Variants in PALLD observed in about 807,000 individuals in gnomAD.
PALLD encodes palladin.
Under a neutral mutation model 123.5 loss-of-function variants are expected in PALLD, and 61 were observed. The observed-to-expected ratio is 0.49, with a 90% confidence interval of 0.40 to 0.61. PALLD has a LOEUF of 0.61. Among genes scored for constraint, PALLD ranks in the 20% least tolerant of loss-of-function variants. The probability of loss-of-function intolerance (pLI) is 0.00; values close to 1 mark genes in which losing one functional copy is unlikely to be tolerated. For missense variants in PALLD, 1,273 were observed against 1,377.0 expected (o/e 0.92, Z 1.20); for synonymous variants, 465 against 496.4 (o/e 0.94, Z 0.84).
rs552891793 is a variant in PALLD at position 168,733,960 on chromosome 4, C to T, written c.1964+22037C>T. 1.4e-3 allele frequency among the ~76,000 whole-genome samples: 208 copies of T among 152,338 alleles called. 1 individual carries two copies. Among genetic ancestry groups the T allele is most frequent in the African/African-American group, 4.8e-3 (201 of 41,576 alleles). ...CCATGTTAGCCAGGATGGTCTCGAT[C>T]TCCTGACCTCGTGATCTGCCCGCCT... On this transcript the variant is annotated intron_variant, in intron 10 of 21. Coordinates refer to ENST00000505667, the MANE Select transcript of PALLD (RefSeq NM_001166108.2).
chr4:168,679,242 GTGT>G (rs1781251254), intron 3 of PALLD, among the ~76,000 whole-genome samples: 1 of 116,816 alleles, frequency 8.6e-6, no homozygotes, highest in Non-Finnish European at 1.8e-5. Context: ...TGTGTGTGGG[GTGT>G]GTGTGTGGTG....
intron 2 of PALLD, among the ~76,000 whole-genome samples, chr4:168,547,566 CAAAAAAA>C (rs11339394): frequency 1.1e-4 from 8 of 70,930 alleles, no homozygotes; most frequent in African/African-American, 2.9e-4. Context: ...TAATAAAATA[CAAAAAAA>C]AAAAAAAAAA....
intron 10 of PALLD, among the ~76,000 whole-genome samples, chr4:168,841,144 C>T (rs757124399): frequency 9.2e-5 from 14 of 152,134 alleles, no homozygotes; most frequent in Admixed American, 2.6e-4. Context: ...CCTCTGCGCC[C>T]GGCCCACTAT....
At chr4:168,611,640 C>T (rs1261778026) in intron 2 of PALLD, among the ~76,000 whole-genome samples, 1 of 152,166 alleles carries the variant, frequency 6.6e-6, no homozygotes, top group Admixed American at 6.6e-5. Context: ...AAAAATTCTG[C>T]AGGCTACATT....
At chr4:168,530,947 C>G (rs1365706214) in intron 2 of PALLD, among the ~76,000 whole-genome samples, 3 of 152,244 alleles carry the variant, frequency 2.0e-5, no homozygotes, top group African/African-American at 7.2e-5. Flanking sequence ...TCCCCCTCCT[C>G]TGAAGTCTTG....
At chr4:168,699,460 A>G (rs1344446347) in intron 8 of PALLD, among the ~76,000 whole-genome samples, 2 of 151,136 alleles carry the variant, frequency 1.3e-5, no homozygotes, top group African/African-American at 4.9e-5. Context: ...GTTCTTTTTT[A>G]CCAACTGTGT....
rs750417197 is a variant in PALLD, at chr4:168,898,647, A to C, written c.2405A>C (p.His802Pro). ...MAPFFEMKLK[H>P]YKIFEGMPVT... ...CCATTCTTTGAGATGAAGCTGAAAC[A>C]TTACAAGATCTTTGAGGGAATGCCA... The change falls in exon 14 of 22, where the codon CAT becomes CCT. Residue 802 changes from histidine to proline, a missense_variant. By Grantham distance (77) the His-to-Pro change is moderately conservative (BLOSUM62 -2). This residue lies in a region of PALLD where 329 missense variants were observed against 422.5 expected (regional missense o/e 0.78). Coordinates refer to ENST00000505667, the MANE Select transcript of PALLD (RefSeq NM_001166108.2). 6.2e-7 allele frequency: 1 copy of C among 1,614,186 alleles called. No individual in the cohort carries two copies. The highest frequency in any genetic ancestry group is 8.5e-7 in the Non-Finnish European group (1 of 1,180,008).
chr4:168,823,329 C>T (rs909202230), intron 10 of PALLD, among the ~76,000 whole-genome samples: 1 of 152,120 alleles, frequency 6.6e-6, no homozygotes, highest in African/African-American at 2.4e-5. Flanking sequence ...ACTGCTAGGC[C>T]CATTTCTTCT....
chr4:168,821,435 G>C (rs899375757), intron 10 of PALLD, among the ~76,000 whole-genome samples: 3 of 151,492 alleles, frequency 2.0e-5, no homozygotes, highest in Non-Finnish European at 4.4e-5. Flanking sequence ...ATCCCCTTTG[G>C]TAAAATATCA....
intron 10 of PALLD, among the ~76,000 whole-genome samples, chr4:168,811,770 T>TCACACACA (rs1402735922): frequency 8.3e-4 from 85 of 101,906 alleles, no homozygotes; most frequent in African/African-American, 2.6e-3. Context: ...TCTCTCTCTC[T>TCACACACA]CTCTCTCACA....
chr4:168,916,553 A>G (rs1412122454), intron 17 of PALLD, among the ~76,000 whole-genome samples: 1 of 152,194 alleles, frequency 6.6e-6, no homozygotes, highest in African/African-American at 2.4e-5. Flanking sequence ...GAAAGTCATC[A>G]GGAGGTTTTA....
At chr4:168,563,295 G>A (rs1021683441) in intron 2 of PALLD, among the ~76,000 whole-genome samples, 12 of 152,196 alleles carry the variant, frequency 7.9e-5, no homozygotes, top group Admixed American at 3.9e-4. Flanking sequence ...AAAGGGATCA[G>A]AAGTGGCTTA....
At chr4:168,679,590 CCTTA>C (rs779887274) in intron 3 of PALLD, among the ~76,000 whole-genome samples, 1 of 143,738 alleles carries the variant, frequency 7.0e-6, no homozygotes, top group Non-Finnish European at 1.5e-5. Flanking sequence ...TGCGTATCCC[CCTTA>C]CTTATGGAGT....
At chr4:168,735,946 T>C (rs1409000921) in intron 10 of PALLD, among the ~76,000 whole-genome samples, 1 of 152,220 alleles carries the variant, frequency 6.6e-6, no homozygotes, top group Admixed American at 6.5e-5. Flanking sequence ...GCTGGGCACT[T>C]GACTAACATT....
chr4:168,791,583 G>A (rs1414753863), intron 10 of PALLD, among the ~76,000 whole-genome samples: 1 of 152,106 alleles, frequency 6.6e-6, no homozygotes, highest in African/African-American at 2.4e-5. Flanking sequence ...GGGGAAACGG[G>A]CCCCATGATT....
chr4:168,750,107 C>A (rs1347498095), intron 10 of PALLD, among the ~76,000 whole-genome samples: 1 of 151,834 alleles, frequency 6.6e-6, no homozygotes, highest in East Asian at 2.0e-4. Context: ...GCCACCACAC[C>A]CAGCTAATTT....
rs28704658 is a variant in PALLD, at chr4:168,879,610, C to T, written c.1965-11312C>T. ...ACCTTAAAGGCAAGCATTGCTATGT[C>T]GGGCCTCGACAAAGGTGTACCAGGC... On this transcript the variant is annotated intron_variant, in intron 10 of 21. Coordinates refer to ENST00000505667, the MANE Select transcript of PALLD (RefSeq NM_001166108.2). Among the ~76,000 whole-genome samples the T allele has an allele frequency of 2.1e-3, 317 of 152,308 alleles. 2 individuals are homozygous for T. The highest frequency in any genetic ancestry group is 7.0e-3 in the African/African-American group (291 of 41,566).
intron 10 of PALLD, among the ~76,000 whole-genome samples, chr4:168,847,705 GGTGT>G (rs1365159977): frequency 3.9e-5 from 6 of 151,924 alleles, no homozygotes; most frequent in African/African-American, 1.2e-4. Context: ...TGGGTACATA[GGTGT>G]GTATATGGGC....
intron 10 of PALLD, among the ~76,000 whole-genome samples, chr4:168,772,084 T>C (rs538897486): frequency 7.2e-5 from 11 of 152,280 alleles, no homozygotes; most frequent in African/African-American, 2.6e-4. Context: ...TAATACTTAG[T>C]ATGTGCCTAG....
Sources: gnomAD v4.1 joint callset for allele counts (sites outside exome capture counted in the v4.1 genomes callset) on GRCh38, gnomAD v4.1.1 for gene constraint, gnomAD v4.1.1 regional missense constraint, MANE v1.5 for transcripts, NCBI Gene and HGNC (gene_info 2026-07-23, HGNC 2026-07-21) for gene names.